The following ZFYVE28 variants were observed in gnomAD, a reference collection of about 807,000 sequenced individuals.
ZFYVE28 encodes lateral signaling target protein 2 homolog.
ZFYVE28 carries 40 observed loss-of-function variants against 82.1 expected under a neutral mutation model. That is an observed-to-expected ratio of 0.49 (90% CI 0.38 to 0.63). The LOEUF (loss-of-function observed/expected upper bound fraction) is 0.63. Among genes scored for constraint, ZFYVE28 ranks in the 30% least tolerant of loss-of-function variants. ZFYVE28 has a pLI of 0.00. For missense variants in ZFYVE28, 1,321 were observed against 1,242.1 expected, an observed-to-expected ratio of 1.06 and a Z score of -0.96; for synonymous variants, 612 against 546.1, an observed-to-expected ratio of 1.12 and a Z score of -1.68.
At chr4:2,301,435 C>T (rs1393653294) in intron 8 of ZFYVE28, among the ~76,000 whole-genome samples, 2 of 152,188 alleles carry the variant, frequency 1.3e-5, no homozygotes, top group East Asian at 1.9e-4. Context: ...CTTGCTTTCT[C>T]GGATCCTCAG....
intron 1 of ZFYVE28, among the ~76,000 whole-genome samples, chr4:2,399,401 C>G (rs1311738682): frequency 1.3e-5 from 2 of 152,096 alleles, no homozygotes. Context: ...CCGTGACTTG[C>G]CTAGACTGTG....
intron 8 of ZFYVE28, among the ~76,000 whole-genome samples, chr4:2,278,549 T>C (rs1711509941): frequency 6.6e-6 from 1 of 151,894 alleles, no homozygotes; most frequent in Admixed American, 6.6e-5. Flanking sequence ...GGCCACAGTT[T>C]CCTAGACATG....
chr4:2,324,344 T>C (rs938727938), intron 6 of ZFYVE28: 9 of 152,250 alleles, frequency 5.9e-5, no homozygotes, highest in African/African-American at 1.9e-4. Flanking sequence ...TAATCTCATC[T>C]TTAAAATACC....
chr4:2,347,030 C>G (rs1723702165), intron 2 of ZFYVE28, among the ~76,000 whole-genome samples: 1 of 152,194 alleles, frequency 6.6e-6, no homozygotes, highest in East Asian at 1.9e-4. Context: ...ATGCTGCCTA[C>G]AAGATACCCA....
chr4:2,411,860 G>T (rs967144904), intron 1 of ZFYVE28, among the ~76,000 whole-genome samples: 37 of 152,344 alleles, frequency 2.4e-4, no homozygotes, highest in African/African-American at 8.7e-4. Context: ...TCCTCTCCTA[G>T]GTCCTGGGCA....
At chr4:2,336,926 T>TGAG (rs1721869413) in intron 5 of ZFYVE28, among the ~76,000 whole-genome samples, 2 of 8,386 alleles carry the variant, frequency 2.4e-4, no homozygotes, top group African/African-American at 8.7e-4. Context: ...AGTGAGGAGG[T>TGAG]GAGTGAGGAG....
intron 1 of ZFYVE28, among the ~76,000 whole-genome samples, chr4:2,382,437 A>C (rs1728823404): frequency 6.6e-6 from 1 of 152,192 alleles, no homozygotes; most frequent in Non-Finnish European, 1.5e-5. Flanking sequence ...ATGGGAACCC[A>C]CCTCTTGCAC....
At chr4:2,283,344 TATCC>T (rs145125230) in intron 8 of ZFYVE28, among the ~76,000 whole-genome samples, 4,277 of 120,154 alleles carry the variant, frequency 0.036, 106 homozygotes, top group Non-Finnish European at 0.044. Flanking sequence ...CCCATCCATT[TATCC>T]ATCCATCCAT....
Position 2,304,408 on chromosome 4 carries a change from G to C in ZFYVE28, c.1932C>G (p.Asp644Glu), listed in dbSNP as rs755083374. The change falls in exon 8 of 13, where the codon GAC becomes GAG. Residue 644 changes from aspartate to glutamate, a missense_variant. Physicochemically the swap from Asp to Glu is conservative, Grantham distance 45. This residue lies in a region of ZFYVE28 where 978 missense variants were observed against 833.7 expected (regional missense o/e 1.17). Coordinates refer to ENST00000290974, the MANE Select transcript of ZFYVE28 (RefSeq NM_020972.3). ...CLPHTSGSQV[D>E]TASGLQGEAG... Reference sequence around the variant, plus strand: ...CCTCTCCTTGCAGCCCACTCGCTGTGTCCACCTGGGAACCTGAGGTGTGAG... The same window carrying C: ...CCTCTCCTTGCAGCCCACTCGCTGTCTCCACCTGGGAACCTGAGGTGTGAG... 1.2e-5 allele frequency: 19 copies of C among 1,613,390 alleles called. 1 individual carries two copies. The East Asian group carries it at 4.2e-4, about 36-fold the overall frequency.
intron 2 of ZFYVE28, 30 bp downstream of exon 2, chr4:2,353,903 C>G (rs1323620892): frequency 1.5e-5 from 22 of 1,470,510 alleles, no homozygotes; most frequent in Admixed American, 2.3e-5. Flanking sequence ...CCCAGCGGGG[C>G]CAGCCAGCTT....
chr4:2,304,227 C>T (rs771925239), intron 8 of ZFYVE28, 62 bp downstream of exon 8: 107 of 1,499,890 alleles, frequency 7.1e-5, no homozygotes, highest in Middle Eastern at 1.8e-4. Flanking sequence ...GGAGAATGCG[C>T]CAGCACCTGC....
intron 8 of ZFYVE28, among the ~76,000 whole-genome samples, chr4:2,279,549 G>A (rs905605942): frequency 3.9e-5 from 6 of 152,162 alleles, no homozygotes; most frequent in African/African-American, 1.2e-4. Context: ...GGAGGCCAAG[G>A]TGGGCGGATC....
chr4:2,385,348 C>G (rs1243584632), intron 1 of ZFYVE28, among the ~76,000 whole-genome samples: 1 of 151,838 alleles, frequency 6.6e-6, no homozygotes, highest in East Asian at 1.9e-4. Context: ...GAGAGAGCAC[C>G]TGCTGCCCTT....
chr4:2,349,709 A>G (rs1214974678), intron 2 of ZFYVE28, among the ~76,000 whole-genome samples: 1 of 151,158 alleles, frequency 6.6e-6, no homozygotes, highest in Non-Finnish European at 1.5e-5. Flanking sequence ...ATACTAATAA[A>G]AAGTCAGTAT....
At chr4:2,317,853 A>C (rs1202140965) in intron 7 of ZFYVE28, among the ~76,000 whole-genome samples, 5 of 152,092 alleles carry the variant, frequency 3.3e-5, no homozygotes, top group Non-Finnish European at 7.4e-5. Flanking sequence ...GGCTGGTCTC[A>C]AACTCCTGAC....
intron 5 of ZFYVE28, among the ~76,000 whole-genome samples, chr4:2,336,756 T>TGAGGTGAGGAGTGAGGAGGTGAG (rs1327753907): frequency 2.1e-5 from 2 of 97,334 alleles, no homozygotes; most frequent in Non-Finnish European, 4.2e-5. Context: ...TGAGGAATGA[T>TGAGGTGAGGAGTGAGGAGGTGAG]GAGGTGAGGA....
At chr4:2,330,921 C>A in intron 6 of ZFYVE28, 3 of 1,534,346 alleles carry the variant, frequency 2.0e-6, no homozygotes, top group Non-Finnish European at 2.6e-6. Context: ...CTGAGCAGGG[C>A]AGAGATGACA....
In ZFYVE28 at chr4:2,335,039, G is replaced by A. The variant is rs1314384668; in HGVS notation, c.701+666C>T. On this transcript the variant is annotated intron_variant, in intron 6 of 12. Coordinates refer to ENST00000290974, the MANE Select transcript of ZFYVE28 (RefSeq NM_020972.3). The surrounding 1 kb of genome is among the most constrained non-coding windows in gnomAD (Gnocchi z 5.8). Reference sequence around the variant, plus strand: ...GACAGCTCAGAGACGCTAAGCAGGTGACCCCGCGCATCCTGCCTCGGTGGA... The same window carrying A: ...GACAGCTCAGAGACGCTAAGCAGGTAACCCCGCGCATCCTGCCTCGGTGGA... 6.6e-6 allele frequency among the ~76,000 whole-genome samples: 1 copy of A among 150,718 alleles called. No individual in the cohort carries two copies. The highest frequency in any genetic ancestry group is 1.5e-5 in the Non-Finnish European group (1 of 67,540).
intron 1 of ZFYVE28, among the ~76,000 whole-genome samples, chr4:2,363,488 G>C (rs1048522169): frequency 1.1e-5 from 1 of 90,978 alleles, no homozygotes; most frequent in Admixed American, 1.3e-4. Context: ...CGTGGTCCCT[G>C]AGGGCTCTAA....
Sources: allele counts gnomAD v4.1 joint callset (sites outside exome capture counted in the v4.1 genomes callset), GRCh38; gene constraint gnomAD v4.1.1; regional missense constraint gnomAD v4.1.1; non-coding constraint Gnocchi (gnomAD v3.1); transcripts MANE v1.5; gene names NCBI Gene and HGNC (gene_info 2026-07-23, HGNC 2026-07-21).